The following HS6ST2 variants were observed in gnomAD, a reference collection of about 807,000 sequenced individuals.
HS6ST2 encodes heparan sulfate 6-O-sulfotransferase 2.
HS6ST2 carries 17 observed loss-of-function variants against 33.0 expected under a neutral mutation model. That is an observed-to-expected ratio of 0.52 (90% CI 0.35 to 0.77). The LOEUF (loss-of-function observed/expected upper bound fraction) is 0.77, where lower values mean the gene tolerates loss of function less well. Ranked by LOEUF, HS6ST2 falls within the 30% of genes least tolerant of loss-of-function variation. The pLI, the probability that HS6ST2 is intolerant of heterozygous loss-of-function variation, is 0.01. For missense variants in HS6ST2, 519 were observed against 551.7 expected, an observed-to-expected ratio of 0.94 and a Z score of 0.59; for synonymous variants, 248 against 237.1, an observed-to-expected ratio of 1.05 and a Z score of -0.42.
At chrX:132,774,742 G>C (rs2064939704) in intron 2 of HS6ST2, among the ~76,000 whole-genome samples, 1 of 110,286 alleles carries the variant, frequency 9.1e-6, no homozygotes, top group Non-Finnish European at 1.9e-5. Context: ...GTGCAGTCCC[G>C]TGGTCCTGGC....
intron 2 of HS6ST2, among the ~76,000 whole-genome samples, chrX:132,843,889 A>G (rs1187393455): frequency 8.9e-6 from 1 of 111,895 alleles, no homozygotes; most frequent in East Asian, 2.8e-4. Context: ...TTGTGTCCTT[A>G]TATTCAAAGG....
At chrX:132,933,718 G>A (rs1428450548) in intron 2 of HS6ST2, among the ~76,000 whole-genome samples, 1 of 111,614 alleles carries the variant, frequency 9.0e-6, no homozygotes, top group Admixed American at 9.5e-5. Flanking sequence ...AAAGCAGTAA[G>A]AGAAAAGTGA....
chrX:132,816,903 T>C lies in HS6ST2; in HGVS notation c.948-108409A>G, dbSNP rs116308749. ...AACCAGCATGGACTCAGGGCTCTAA[T>C]TGGCGGTGATTAGAGAATAAAATGA... is the stretch of plus-strand genomic sequence containing the variant. On this transcript the variant is annotated intron_variant, in intron 2 of 4. Transcript: ENST00000370833. Among the ~76,000 whole-genome samples the C allele has an allele frequency of 2.1e-3, 235 of 111,405 alleles. 1 individual carries two copies. Among genetic ancestry groups the C allele is most frequent in the African/African-American group, 7.0e-3 (214 of 30,708 alleles).
chrX:132,905,753 T>TA (rs2066467425), intron 2 of HS6ST2, among the ~76,000 whole-genome samples: 3 of 111,617 alleles, frequency 2.7e-5, no homozygotes, highest in South Asian at 3.8e-4. Flanking sequence ...ATCTCTATAT[T>TA]AAAAAAAATT....
chrX:132,814,724 T>G (rs2065380305), intron 2 of HS6ST2, among the ~76,000 whole-genome samples: 1 of 111,458 alleles, frequency 9.0e-6, no homozygotes, highest in South Asian at 3.8e-4. Flanking sequence ...TTCTCCTCCC[T>G]TTTCCTACTG....
intron 2 of HS6ST2, among the ~76,000 whole-genome samples, chrX:132,875,497 T>A (rs1317471907): frequency 9.1e-6 from 1 of 110,073 alleles, no homozygotes; most frequent in Non-Finnish European, 1.9e-5. Context: ...GTGAAAAAAA[T>A]GTGAAAAAAA....
At chrX:132,635,151 A>C (rs2063543946) in intron 4 of HS6ST2, among the ~76,000 whole-genome samples, 1 of 111,844 alleles carries the variant, frequency 8.9e-6, no homozygotes, top group African/African-American at 3.3e-5. Context: ...GCAATTGTCG[A>C]AATAATAGCA....
chrX:132,891,371 GT>G (rs1004715729), intron 2 of HS6ST2, among the ~76,000 whole-genome samples: 10 of 89,739 alleles, frequency 1.1e-4, no homozygotes, highest in South Asian at 4.5e-4. Flanking sequence ...AAGAACAAAA[GT>G]TTTTTTTATT....
intron 2 of HS6ST2, among the ~76,000 whole-genome samples, chrX:132,801,009 C>T (rs1179928251): frequency 9.0e-6 from 1 of 111,722 alleles, no homozygotes; most frequent in East Asian, 2.8e-4. Context: ...CCCTGTGGAA[C>T]TTTGAGTCCA....
chrX:132,771,989 A>C (rs766905921), intron 2 of HS6ST2, among the ~76,000 whole-genome samples: 18 of 111,753 alleles, frequency 1.6e-4, no homozygotes, highest in Non-Finnish European at 5.6e-5. Flanking sequence ...AAAAGCAATT[A>C]GCATGAAATG....
chrX:132,815,965 A>C (rs1046040186), intron 2 of HS6ST2, among the ~76,000 whole-genome samples: 2 of 111,980 alleles, frequency 1.8e-5, no homozygotes. Context: ...ACTGAACTGT[A>C]CATTTTAAAT....
intron 2 of HS6ST2, among the ~76,000 whole-genome samples, chrX:132,882,789 A>T (rs2066192873): frequency 9.0e-6 from 1 of 111,341 alleles, no homozygotes; most frequent in Non-Finnish European, 1.9e-5. Flanking sequence ...TATTATTTTG[A>T]GATACATCCC....
intron 2 of HS6ST2, among the ~76,000 whole-genome samples, chrX:132,726,277 A>G (rs752744106): frequency 2.7e-5 from 3 of 111,503 alleles, no homozygotes; most frequent in African/African-American, 9.8e-5. Context: ...CAAGTACCCC[A>G]GAAATATATA....
At chrX:132,711,100 C>T (rs1354644552) in intron 2 of HS6ST2, among the ~76,000 whole-genome samples, 4 of 111,772 alleles carry the variant, frequency 3.6e-5, no homozygotes, top group Non-Finnish European at 5.6e-5. Context: ...GACTAAATGT[C>T]ACTCAAATGG....
chrX:132,777,622 T>C (rs1315761239), intron 2 of HS6ST2, among the ~76,000 whole-genome samples: 1 of 101,407 alleles, frequency 9.9e-6, no homozygotes, highest in African/African-American at 3.7e-5. Flanking sequence ...TTTTTTTGGA[T>C]TTTCAGTAGA....
At chrX:132,727,152 T>A (rs957540393) in intron 2 of HS6ST2, among the ~76,000 whole-genome samples, 1 of 107,155 alleles carries the variant, frequency 9.3e-6, no homozygotes, top group Admixed American at 1.0e-4. Flanking sequence ...AAACTAAAAC[T>A]AAAACAATCT....
chrX:132,827,171 T>G (rs1320589513), intron 2 of HS6ST2, among the ~76,000 whole-genome samples: 1 of 111,378 alleles, frequency 9.0e-6, no homozygotes, highest in Admixed American at 9.6e-5. Flanking sequence ...CAAGGACCAT[T>G]TGTATCTTTA....
chrX:132,947,547 C>T (rs1196824271), intron 2 of HS6ST2, among the ~76,000 whole-genome samples: 1 of 111,419 alleles, frequency 9.0e-6, no homozygotes, highest in Non-Finnish European at 1.9e-5. Context: ...AATGGTTCTA[C>T]CTTAAAGTCT....
chrX:132,918,721 C>A (rs1191590257), intron 2 of HS6ST2, among the ~76,000 whole-genome samples: 1 of 111,496 alleles, frequency 9.0e-6, no homozygotes, highest in Non-Finnish European at 1.9e-5. Flanking sequence ...CCACAGCCTA[C>A]TGACAGCCAG....
Sources: allele counts gnomAD v4.1 joint callset (sites outside exome capture counted in the v4.1 genomes callset), GRCh38; gene constraint gnomAD v4.1.1; transcripts MANE v1.5; gene names NCBI Gene and HGNC (gene_info 2026-07-23, HGNC 2026-07-21).